SAMD5: variants seen among roughly 807,000 people sequenced by gnomAD.
SAMD5 encodes the protein sterile alpha motif domain containing 5.
A neutral mutation model predicts 11.3 loss-of-function variants in SAMD5; 13 were observed. That is an observed-to-expected ratio of 1.15 (90% CI 0.75 to 1.83). The LOEUF (loss-of-function observed/expected upper bound fraction) is 1.83, where lower values mean the gene tolerates loss of function less well. Among genes scored for constraint, SAMD5 ranks in the 40% most tolerant of loss-of-function variants. SAMD5 has a pLI of 0.00. For missense variants in SAMD5, 255 were observed against 239.1 expected, an observed-to-expected ratio of 1.07 and a Z score of -0.44; for synonymous variants, 129 against 111.3, an observed-to-expected ratio of 1.16 and a Z score of -1.00.
At chr6:147,533,356 G>A (rs1037077124) in intron 1 of SAMD5, among the ~76,000 whole-genome samples, 10 of 151,558 alleles carry the variant, frequency 6.6e-5, no homozygotes, top group Admixed American at 3.9e-4. Flanking sequence ...CAGCTACTCC[G>A]GAGGCTGAGG....
At chr6:147,523,123 C>A (rs34790023) in intron 1 of SAMD5, among the ~76,000 whole-genome samples, 9,315 of 152,112 alleles carry the variant, frequency 0.061, 357 homozygotes, top group Admixed American at 0.09. Flanking sequence ...CCACCCCAGA[C>A]CTTTCAGTGA....
intron 1 of SAMD5, among the ~76,000 whole-genome samples, chr6:147,510,834 G>A (rs1023625892): frequency 6.6e-6 from 1 of 152,218 alleles, no homozygotes; most frequent in Non-Finnish European, 1.5e-5. Context: ...TACCCACTCT[G>A]TGCCACTGAT....
At chr6:147,876,187 T>G in the SAMD5 span, among the ~76,000 whole-genome samples, 1 of 152,078 alleles carries the variant, frequency 6.6e-6, no homozygotes, top group Admixed American at 6.6e-5. Context: ...AAACAAGGGG[T>G]CCTGCATTTT....
the SAMD5 span, among the ~76,000 whole-genome samples, chr6:147,892,058 A>G: frequency 6.6e-6 from 1 of 152,196 alleles, no homozygotes; most frequent in African/African-American, 2.4e-5. Context: ...TTAGGCCGAC[A>G]ATGCTGGATC....
chr6:147,580,815 G>C (rs1287605033), intron 1 of SAMD5, among the ~76,000 whole-genome samples: 5 of 111,572 alleles, frequency 4.5e-5, no homozygotes, highest in African/African-American at 1.9e-4. Context: ...GCTAAACTAT[G>C]ATTTTTTTTT....
chr6:147,564,252 C>A, intron 1 of SAMD5, 142 bp from the exon 2 acceptor site: 1 of 593,374 alleles, frequency 1.7e-6, no homozygotes, highest in African/African-American at 1.9e-5. Context: ...AGCAAAAACT[C>A]TTAGGGCTGT....
chr6:147,784,003 G>T, the SAMD5 span, among the ~76,000 whole-genome samples: 1 of 152,138 alleles, frequency 6.6e-6, no homozygotes, highest in East Asian at 1.9e-4. Flanking sequence ...GCAGGTTCAG[G>T]AGGGAGGAAT....
chr6:147,816,303 T>TAA, the SAMD5 span, among the ~76,000 whole-genome samples: 1 of 59,640 alleles, frequency 1.7e-5, no homozygotes, highest in Non-Finnish European at 2.7e-5. Flanking sequence ...AAAAAAAAAA[T>TAA]ATATATATAT....
chr6:147,909,639 T>TTTCTTTCTTTCTTTCTTTC, the SAMD5 span, among the ~76,000 whole-genome samples: 8 of 138,856 alleles, frequency 5.8e-5, no homozygotes, highest in African/African-American at 2.5e-4. Context: ...TTTCTCTTTC[T>TTTCTTTCTTTCTTTCTTTC]TGTCTTTTGT....
intron 1 of SAMD5, among the ~76,000 whole-genome samples, chr6:147,666,029 C>T (rs903290533): frequency 6.6e-6 from 1 of 152,160 alleles, no homozygotes; most frequent in Non-Finnish European, 1.5e-5. Flanking sequence ...ACCTCCGCCT[C>T]CAGGGTTCAG....
the SAMD5 span, among the ~76,000 whole-genome samples, chr6:147,950,919 G>A: frequency 1.3e-5 from 2 of 151,288 alleles, no homozygotes; most frequent in Admixed American, 6.6e-5. Flanking sequence ...TCTTCCCACC[G>A]TCGTTCTGGA....
At chr6:147,768,941 G>A in the SAMD5 span, among the ~76,000 whole-genome samples, 11 of 152,048 alleles carry the variant, frequency 7.2e-5, no homozygotes, top group Admixed American at 5.2e-4. Flanking sequence ...CTACAGGTGC[G>A]TGCCACCATG....
At chr6:147,575,448 G>A (rs556197694) in intron 1 of SAMD5, among the ~76,000 whole-genome samples, 5 of 152,344 alleles carry the variant, frequency 3.3e-5, no homozygotes, top group South Asian at 2.1e-4. Flanking sequence ...GTGCCACCAC[G>A]AATGGCAGCC....
At chr6:147,689,412 A>C (rs1217929220) in intron 1 of SAMD5, among the ~76,000 whole-genome samples, 1 of 149,500 alleles carries the variant, frequency 6.7e-6, no homozygotes. Flanking sequence ...AATCTAATGA[A>C]TCTCTCTGAG....
chr6:147,902,148 A>G, the SAMD5 span, among the ~76,000 whole-genome samples: 1 of 151,630 alleles, frequency 6.6e-6, no homozygotes, highest in Non-Finnish European at 1.5e-5. Flanking sequence ...GGGAAAAAAA[A>G]GCAATCATTC....
chr6:147,835,727 A>G, the SAMD5 span, among the ~76,000 whole-genome samples: 1 of 152,074 alleles, frequency 6.6e-6, no homozygotes, highest in Non-Finnish European at 1.5e-5. Context: ...TGAACACAGG[A>G]GGGAGACTGG....
chr6:147,837,268 A>C, the SAMD5 span, among the ~76,000 whole-genome samples: 1 of 152,096 alleles, frequency 6.6e-6, no homozygotes, highest in Non-Finnish European at 1.5e-5. Context: ...AGACTCTGGG[A>C]TAAGATGGCA....
At position 147,517,345 on chromosome 6, in the gene SAMD5, G is replaced by A. The variant is rs192977498; in HGVS notation, c.459+7958G>A. Among the ~76,000 whole-genome samples, 239 of 152,268 alleles carry A rather than the reference G, an allele frequency of 1.6e-3. 1 individual carries two copies. The highest frequency in any genetic ancestry group is 4.9e-3 in the Admixed American group (75 of 15,288). ...TTGAGGGAAAAAGAAACATTTGCCAGATGAACAGCCTGGCTTATGTAAGCG... is the reference window on the plus strand; with the variant it reads ...TTGAGGGAAAAAGAAACATTTGCCAAATGAACAGCCTGGCTTATGTAAGCG... On this transcript the variant is annotated intron_variant, in intron 1 of 1. Coordinates refer to ENST00000367474, the MANE Select transcript of SAMD5 (RefSeq NM_001030060.3).
the SAMD5 span, among the ~76,000 whole-genome samples, chr6:147,881,188 A>G: frequency 2.0e-5 from 3 of 152,162 alleles, no homozygotes; most frequent in Non-Finnish European, 2.9e-5. Context: ...ACAGCTCTGT[A>G]GCAATTATGG....
Sources: allele counts gnomAD v4.1 joint callset (sites outside exome capture counted in the v4.1 genomes callset), GRCh38; gene constraint gnomAD v4.1.1; transcripts MANE v1.5; gene names NCBI Gene and HGNC (gene_info 2026-07-23, HGNC 2026-07-21).